MAN1A1: variants seen among roughly 807,000 people sequenced by gnomAD.
The protein encoded by MAN1A1 is mannosidase alpha class 1A member 1.
In MAN1A1, 29 loss-of-function variants were observed where a neutral mutation model predicts 70.8. That is an observed-to-expected ratio of 0.41 (90% confidence interval 0.31 to 0.56). The LOEUF (loss-of-function observed/expected upper bound fraction) is 0.56, where lower values mean the gene tolerates loss of function less well. MAN1A1 is among the 20% of genes least tolerant of loss of function. The pLI is 0.29. For synonymous variants in MAN1A1, 349 were observed against 330.1 expected (o/e 1.06, Z -0.62); for missense variants, 747 against 841.3 (o/e 0.89, Z 1.39).
chr6:119,185,099 G>A (rs1390429431), intron 11 of MAN1A1, among the ~76,000 whole-genome samples: 1 of 152,092 alleles, frequency 6.6e-6, no homozygotes, highest in African/African-American at 2.4e-5. Context: ...TGTTGCCCAG[G>A]CTGATCTCAA....
At chr6:119,187,653 G>A (rs889408142) in intron 11 of MAN1A1, among the ~76,000 whole-genome samples, 1 of 152,228 alleles carries the variant, frequency 6.6e-6, no homozygotes, top group Non-Finnish European at 1.5e-5. Context: ...GAGTGCTAGA[G>A]AATGAGAGTG....
At chr6:119,306,415 A>G (rs1772526377) in intron 3 of MAN1A1, among the ~76,000 whole-genome samples, 3 of 152,188 alleles carry the variant, frequency 2.0e-5, no homozygotes, top group Admixed American at 6.6e-5. Flanking sequence ...CAATTAACCT[A>G]ATCCATCCTC....
rs1169738423 is a variant in MAN1A1 at position 119,179,575 on chromosome 6, T to C, written c.*244A>G. 3.5e-6 allele frequency: 1 copy of C among 283,598 alleles called. No homozygotes were observed. Among genetic ancestry groups the C allele is most frequent in the Non-Finnish European group, 6.8e-6 (1 of 146,052 alleles). The allele number at this position is 283,598 out of a possible 1,614,324, so 17.6% of individuals were successfully genotyped here. A position where few individuals can be genotyped will look rare whatever the true frequency, so the allele number is the denominator to read the frequency against. ...ATTACACCTTCATGAAATCCAGAGA[T>C]AATAGGTTACTTAAAAACATAAACA... is the stretch of plus-strand genomic sequence containing the variant. On this transcript the variant is annotated 3_prime_UTR_variant, in exon 13 of 13. Transcript: ENST00000368468.
chr6:119,342,538 T>C (rs560887182), intron 2 of MAN1A1, among the ~76,000 whole-genome samples: 5 of 152,294 alleles, frequency 3.3e-5, no homozygotes, highest in African/African-American at 9.6e-5. Context: ...GATTAAGTAA[T>C]TTGCAGACGG....
chr6:119,284,168 C>CT (rs1353860072), intron 5 of MAN1A1, among the ~76,000 whole-genome samples: 1 of 152,166 alleles, frequency 6.6e-6, no homozygotes, highest in Non-Finnish European at 1.5e-5. Flanking sequence ...TGAGCAGTGT[C>CT]TGACATATAG....
chr6:119,263,330 A>G (rs9489637), intron 5 of MAN1A1, among the ~76,000 whole-genome samples: 72,484 of 151,940 alleles, frequency 0.48, 17,734 homozygotes, highest in East Asian at 0.76. Flanking sequence ...AGAGCGCCCT[A>G]ACTAATACAA....
intron 2 of MAN1A1, among the ~76,000 whole-genome samples, chr6:119,331,492 C>T (rs1773308492): frequency 6.7e-6 from 1 of 150,366 alleles, no homozygotes; most frequent in Non-Finnish European, 1.5e-5. Flanking sequence ...CTTTCCAGAA[C>T]CCCCAATAAC....
intron 2 of MAN1A1, among the ~76,000 whole-genome samples, chr6:119,338,171 A>G (rs1773509992): frequency 6.6e-6 from 1 of 152,150 alleles, no homozygotes; most frequent in South Asian, 2.1e-4. Flanking sequence ...ATTTATGTCA[A>G]TCGTTATTCA....
At position 119,178,401 on chromosome 6, in the gene MAN1A1, G is replaced by C. The variant is rs1046226; in HGVS notation, c.*1418C>G. On this transcript the variant is annotated 3_prime_UTR_variant, in exon 13 of 13. Coordinates refer to ENST00000368468, the MANE Select transcript of MAN1A1 (RefSeq NM_005907.4). ...TTCTGACCATTCTCGGCTGAAAATTGACATGGTCAAAGTCCTTGCCCTTCA... is the reference window on the plus strand; with the variant it reads ...TTCTGACCATTCTCGGCTGAAAATTCACATGGTCAAAGTCCTTGCCCTTCA... The C allele has an allele frequency of 0.58, 87,556 of 151,844 alleles. 26,220 individuals carry two copies. Among genetic ancestry groups the C allele is most frequent in the South Asian group, 0.78 (3,729 of 4,810 alleles). The allele number at this position is 151,844 out of a possible 1,614,324, so 9.4% of individuals were successfully genotyped here. A position where few individuals can be genotyped will look rare whatever the true frequency, so the allele number is the denominator to read the frequency against.
chr6:119,278,577 C>T (rs1291513777), intron 5 of MAN1A1, among the ~76,000 whole-genome samples: 1 of 151,976 alleles, frequency 6.6e-6, no homozygotes, highest in Non-Finnish European at 1.5e-5. Flanking sequence ...ATTTTTACAT[C>T]TTATTATTTT....
chr6:119,226,571 AAGAC>A (rs1774519938), intron 6 of MAN1A1, among the ~76,000 whole-genome samples: 1 of 152,246 alleles, frequency 6.6e-6, no homozygotes, highest in Admixed American at 6.5e-5. Context: ...ATCCTTGAAA[AAGAC>A]AGTAGGGAAT....
At chr6:119,255,139 C>T (rs1460137756) in intron 5 of MAN1A1, among the ~76,000 whole-genome samples, 3 of 152,166 alleles carry the variant, frequency 2.0e-5, no homozygotes, top group Admixed American at 2.0e-4. Flanking sequence ...GGAATATATA[C>T]ATGCCAGAGC....
chr6:119,187,982 C>T (rs1050499374), intron 11 of MAN1A1, among the ~76,000 whole-genome samples: 3 of 152,156 alleles, frequency 2.0e-5, no homozygotes, highest in African/African-American at 7.2e-5. Flanking sequence ...AAAGTTAGAT[C>T]TAAGTAGCTA....
rs1270667522 is a variant in MAN1A1 at position 119,238,795 on chromosome 6, A to G, written c.992+9465T>C. On this transcript the variant is annotated intron_variant, in intron 6 of 12. Coordinates refer to ENST00000368468, the MANE Select transcript of MAN1A1 (RefSeq NM_005907.4). ...TGACATGACAAAGAGGGGAAGCAAGATTTAATTTATAATGTTAAACTCCCA... is the reference window on the plus strand; with the variant it reads ...TGACATGACAAAGAGGGGAAGCAAGGTTTAATTTATAATGTTAAACTCCCA... Among the ~76,000 whole-genome samples the G allele has an allele frequency of 2.0e-5, 3 of 152,226 alleles. No individual in the cohort carries two copies. In the East Asian group the frequency reaches 5.8e-4, roughly 29 times the overall value.
intron 5 of MAN1A1, among the ~76,000 whole-genome samples, chr6:119,276,243 C>T (rs765373538): frequency 3.9e-5 from 6 of 152,200 alleles, no homozygotes; most frequent in East Asian, 1.9e-4. Flanking sequence ...CACTTTATCA[C>T]ATGGTTATAT....
intron 5 of MAN1A1, among the ~76,000 whole-genome samples, chr6:119,268,082 G>T (rs1001513430): frequency 6.6e-6 from 1 of 152,200 alleles, no homozygotes; most frequent in Non-Finnish European, 1.5e-5. Flanking sequence ...GCAAGCAGCT[G>T]TTGGTGACCA....
chr6:119,332,032 C>G (rs766553030), intron 2 of MAN1A1: 2 of 468,386 alleles, frequency 4.3e-6, no homozygotes, highest in East Asian at 1.2e-4. Context: ...AGAATAATGT[C>G]AAATACCCAT....
intron 6 of MAN1A1, among the ~76,000 whole-genome samples, chr6:119,236,151 A>AG (rs141789468): frequency 5.3e-5 from 8 of 151,090 alleles, no homozygotes; most frequent in Non-Finnish European, 1.2e-4. Flanking sequence ...AAAAAAAAAA[A>AG]GAATTATGCT....
intron 6 of MAN1A1, among the ~76,000 whole-genome samples, chr6:119,214,186 G>A (rs1490690071): frequency 1.3e-5 from 2 of 151,896 alleles, no homozygotes; most frequent in Non-Finnish European, 2.9e-5. Context: ...GGCTGGTCTC[G>A]AACTCCTGAC....
Sources: gnomAD v4.1 joint callset for allele counts (sites outside exome capture counted in the v4.1 genomes callset) on GRCh38, gnomAD v4.1.1 for gene constraint, MANE v1.5 for transcripts, NCBI Gene and HGNC (gene_info 2026-07-23, HGNC 2026-07-21) for gene names.